The following TMEM132B variants were observed in gnomAD, a reference collection of about 807,000 sequenced individuals.
The protein encoded by TMEM132B is transmembrane protein 132B.
TMEM132B carries 18 observed loss-of-function variants against 90.8 expected under a neutral mutation model. The observed-to-expected ratio is 0.20, with a 90% CI of 0.14 to 0.29. TMEM132B has a LOEUF of 0.29. Among genes scored for constraint, TMEM132B ranks in the 10% least tolerant of loss-of-function variants. TMEM132B has a pLI of 1.00. For missense variants in TMEM132B, 1,096 were observed against 1,326.8 expected (o/e 0.83, Z 2.70); for synonymous variants, 504 against 523.3 (o/e 0.96, Z 0.50).
intron 3 of TMEM132B, among the ~76,000 whole-genome samples, chr12:125,480,796 T>C (rs917124920): frequency 2.6e-5 from 4 of 151,922 alleles, no homozygotes; most frequent in African/African-American, 4.8e-5. Flanking sequence ...GCCTGGCAGA[T>C]ACACAACAAA....
At chr12:125,234,810 C>A (rs1286663448) in intron 1 of TMEM132B, among the ~76,000 whole-genome samples, 3 of 152,200 alleles carry the variant, frequency 2.0e-5, no homozygotes, top group East Asian at 3.9e-4. Flanking sequence ...AGGCAAGGCT[C>A]TTCCTCTATC....
chr12:125,552,588 G>T (rs772677541), intron 4 of TMEM132B, among the ~76,000 whole-genome samples: 2 of 152,144 alleles, frequency 1.3e-5, no homozygotes, highest in South Asian at 2.1e-4. Context: ...TCACACTCCC[G>T]GGCCCCTCCC....
chr12:125,226,472 G>T (rs1345894237), intron 1 of TMEM132B, among the ~76,000 whole-genome samples: 2 of 152,170 alleles, frequency 1.3e-5, no homozygotes, highest in African/African-American at 4.8e-5. Context: ...AGGCACTATT[G>T]TCTGTCCCAT....
intron 4 of TMEM132B, among the ~76,000 whole-genome samples, chr12:125,556,487 T>C (rs1884390295): frequency 6.6e-6 from 1 of 152,202 alleles, no homozygotes; most frequent in African/African-American, 2.4e-5. Context: ...CCGGGGGATG[T>C]GGAAGAGTGT....
intron 1 of TMEM132B, among the ~76,000 whole-genome samples, chr12:125,295,568 C>CAG (rs759496566): frequency 4.1e-5 from 6 of 147,260 alleles, no homozygotes; most frequent in South Asian, 2.2e-4. Flanking sequence ...GAGACAGAGA[C>CAG]AGACAGACTT....
At chr12:125,592,497 A>G (rs1378489216) in intron 5 of TMEM132B, among the ~76,000 whole-genome samples, 2 of 152,138 alleles carry the variant, frequency 1.3e-5, no homozygotes, top group Non-Finnish European at 2.9e-5. Context: ...TTTGTTTCCA[A>G]ACTTGGTCTG....
At chr12:125,326,520 G>A (rs1388061296) in intron 1 of TMEM132B, 16 of 1,308,654 alleles carry the variant, frequency 1.2e-5, no homozygotes, top group East Asian at 2.5e-5. Context: ...AGTAAACATC[G>A]GCTTAATGCT....
At chr12:125,542,760 A>G (rs1883988776) in intron 4 of TMEM132B, among the ~76,000 whole-genome samples, 1 of 152,224 alleles carries the variant, frequency 6.6e-6, no homozygotes, top group African/African-American at 2.4e-5. Flanking sequence ...GGTTGCTGCC[A>G]TGTTATAGCT....
At chr12:125,539,548 T>G (rs1356910156) in intron 4 of TMEM132B, among the ~76,000 whole-genome samples, 1 of 152,242 alleles carries the variant, frequency 6.6e-6, no homozygotes, top group Non-Finnish European at 1.5e-5. Flanking sequence ...AGCTCTCTCT[T>G]CCTGGGAATG....
At chr12:125,257,715 TAGTCA>T (rs2136107520) in intron 1 of TMEM132B, among the ~76,000 whole-genome samples, 1 of 152,306 alleles carries the variant, frequency 6.6e-6, no homozygotes, top group African/African-American at 2.4e-5. Context: ...GCCCTAAATG[TAGTCA>T]AAGTGTTAGA....
intron 2 of TMEM132B, among the ~76,000 whole-genome samples, chr12:125,396,324 G>A (rs1015262667): frequency 6.6e-6 from 1 of 152,128 alleles, no homozygotes; most frequent in African/African-American, 2.4e-5. Context: ...TGATTCTTTT[G>A]GATGTCAGCA....
intron 4 of TMEM132B, among the ~76,000 whole-genome samples, chr12:125,541,427 A>T (rs558321106): frequency 1.3e-5 from 2 of 152,144 alleles, no homozygotes; most frequent in Admixed American, 6.5e-5. Context: ...ATGTTCACTA[A>T]AACAGCCTTC....
intron 6 of TMEM132B, among the ~76,000 whole-genome samples, chr12:125,649,688 C>A (rs1019407215): frequency 2.0e-5 from 3 of 152,206 alleles, no homozygotes; most frequent in African/African-American, 7.2e-5. Context: ...CCCCTTCCCC[C>A]CTTCTCCCCT....
At chr12:125,576,914 C>G (rs1478147998) in intron 4 of TMEM132B, among the ~76,000 whole-genome samples, 2 of 149,310 alleles carry the variant, frequency 1.3e-5, no homozygotes, top group African/African-American at 2.5e-5. Context: ...GGGTTGGCAT[C>G]TATAATCATT....
intron 3 of TMEM132B, among the ~76,000 whole-genome samples, chr12:125,478,199 C>T (rs993542226): frequency 2.0e-5 from 3 of 152,172 alleles, no homozygotes; most frequent in Non-Finnish European, 2.9e-5. Flanking sequence ...AAAACCAGAG[C>T]GCCCCTTCTC....
chr12:125,601,612 A>G (rs1885573217), intron 5 of TMEM132B, among the ~76,000 whole-genome samples: 1 of 152,174 alleles, frequency 6.6e-6, no homozygotes, highest in Non-Finnish European at 1.5e-5. Context: ...AATAACTAAG[A>G]TCAGAGCAGA....
At chr12:125,338,278 TG>T (rs1375128425) in intron 1 of TMEM132B, among the ~76,000 whole-genome samples, 1 of 152,198 alleles carries the variant, frequency 6.6e-6, no homozygotes, top group Non-Finnish European at 1.5e-5. Flanking sequence ...TTTGATCCCA[TG>T]CTGTGACCAG....
chr12:125,203,296 T>C (rs1056717528), intron 1 of TMEM132B, among the ~76,000 whole-genome samples: 25 of 152,142 alleles, frequency 1.6e-4, no homozygotes, highest in African/African-American at 5.8e-4. Context: ...TGCACCTGGC[T>C]TATGGTTGGA....
At chr12:125,204,892 A>G (rs1163542393) in intron 1 of TMEM132B, among the ~76,000 whole-genome samples, 1 of 137,616 alleles carries the variant, frequency 7.3e-6, no homozygotes, top group Middle Eastern at 3.5e-3. Flanking sequence ...AATCCTTTCA[A>G]TGAGGGCTCC....
Sources: gnomAD v4.1 joint callset for allele counts (sites outside exome capture counted in the v4.1 genomes callset) on GRCh38, gnomAD v4.1.1 for gene constraint, MANE v1.5 for transcripts, NCBI Gene and HGNC (gene_info 2026-07-23, HGNC 2026-07-21) for gene names.